COL21A1: variants seen among roughly 807,000 people sequenced by gnomAD.
COL21A1 encodes the protein collagen alpha-1(XXI) chain.
Under a neutral mutation model 137.9 loss-of-function variants are expected in COL21A1, and 149 were observed. The ratio of observed to expected loss-of-function variants is 1.08; its 90% CI spans 0.95 to 1.24. The LOEUF is 1.24. COL21A1 is among the 50% of genes most tolerant of loss of function. COL21A1 has a pLI of 0.00. For missense variants in COL21A1, 1,167 were observed against 1,158.4 expected (o/e 1.01, Z -0.11); for synonymous variants, 456 against 391.5 (o/e 1.16, Z -1.95).
chr6:56,280,152 TG>T (rs1422921147), intron 1 of COL21A1, among the ~76,000 whole-genome samples: 2 of 152,212 alleles, frequency 1.3e-5, no homozygotes, highest in Non-Finnish European at 2.9e-5. Context: ...GAATATTTAT[TG>T]TGTTCAGTTC....
intron 1 of COL21A1, among the ~76,000 whole-genome samples, chr6:56,289,880 C>T (rs1303874205): frequency 6.6e-6 from 1 of 152,018 alleles, no homozygotes; most frequent in Non-Finnish European, 1.5e-5. Context: ...CAACCAGTTG[C>T]GGTTTTGGTT....
chr6:56,164,173 C>A (rs1011135040), intron 9 of COL21A1, among the ~76,000 whole-genome samples: 6 of 152,158 alleles, frequency 3.9e-5, no homozygotes, highest in African/African-American at 1.2e-4. Flanking sequence ...GGGAAAAAAA[C>A]AACCAAACAA....
chr6:56,210,312 T>C (rs1204584758), intron 1 of COL21A1, among the ~76,000 whole-genome samples: 1 of 151,960 alleles, frequency 6.6e-6, no homozygotes, highest in African/African-American at 2.4e-5. Flanking sequence ...CAATGACAAA[T>C]ATAAGAAAAC....
intron 16 of COL21A1, among the ~76,000 whole-genome samples, chr6:56,123,015 A>C (rs369147910): frequency 6.6e-6 from 1 of 152,204 alleles, no homozygotes; most frequent in South Asian, 2.1e-4. Flanking sequence ...GGGTATATGG[A>C]TTTATGCTAA....
chr6:56,325,003 C>T (rs1764972014), intron 1 of COL21A1, among the ~76,000 whole-genome samples: 1 of 151,146 alleles, frequency 6.6e-6, no homozygotes, highest in Non-Finnish European at 1.5e-5. Context: ...TGCCAAGTTT[C>T]TCCTAGTTTA....
chr6:56,390,198 G>A (rs962121575), intron 1 of COL21A1, among the ~76,000 whole-genome samples: 1 of 140,226 alleles, frequency 7.1e-6, no homozygotes, highest in African/African-American at 2.6e-5. Flanking sequence ...AAAGTGCAGA[G>A]TTTTTTTAGT....
chr6:56,156,738 G>A (rs777324303), intron 10 of COL21A1, 149 bp downstream of exon 10: 72 of 674,594 alleles, frequency 1.1e-4, no homozygotes, highest in South Asian at 6.4e-4. Flanking sequence ...AGCTCCTTTC[G>A]TTCCAACAGA....
intron 19 of COL21A1, 74 bp downstream of exon 19, chr6:56,075,405 C>T (rs1198759813): frequency 1.7e-5 from 20 of 1,173,208 alleles, no homozygotes; most frequent in East Asian, 8.2e-5. Context: ...TATGAACTCT[C>T]GAATATGAAC....
chr6:56,351,354 G>A lies in COL21A1; in HGVS notation c.-39+42617C>T, dbSNP rs188922625. 2.2e-3 allele frequency among the ~76,000 whole-genome samples: 342 copies of A among 152,332 alleles called. 1 individual carries two copies. Among genetic ancestry groups the A allele is most frequent in the African/African-American group, 7.7e-3 (320 of 41,584 alleles). Reference sequence around the variant, plus strand: ...AAGAGTACGGGGAGGGGGAATTTCCGTTGTTTCCTTTCTCTTGTCTCTCCC... The same window carrying A: ...AAGAGTACGGGGAGGGGGAATTTCCATTGTTTCCTTTCTCTTGTCTCTCCC... On this transcript the variant is annotated intron_variant, in intron 1 of 28. Coordinates refer to the COL21A1 transcript ENST00000370819.
intron 1 of COL21A1, among the ~76,000 whole-genome samples, chr6:56,273,499 AGAG>A (rs1383689087): frequency 6.6e-6 from 1 of 152,230 alleles, no homozygotes; most frequent in Non-Finnish European, 1.5e-5. Flanking sequence ...CAAAGAAAAC[AGAG>A]AAGATCCAAA....
At chr6:56,303,595 T>G (rs1400643411) in intron 1 of COL21A1, among the ~76,000 whole-genome samples, 3 of 152,234 alleles carry the variant, frequency 2.0e-5, no homozygotes, top group Non-Finnish European at 4.4e-5. Context: ...TCCTGAGACT[T>G]TGCTGAAGTT....
chr6:56,163,616 G>A (rs1227360168), intron 9 of COL21A1, among the ~76,000 whole-genome samples: 2 of 151,916 alleles, frequency 1.3e-5, no homozygotes, highest in African/African-American at 4.8e-5. Flanking sequence ...GGCTGAGGCA[G>A]GGAAATCGCT....
In COL21A1 at chr6:56,171,086, T is replaced by G. The variant is rs1484744905; in HGVS notation, c.683A>C (p.Glu228Ala). ...PTRIPVAARD[E>A]RGFDILLGLD... ...ACCTAAAAGAATATCAAATCCCCTT[T>G]CATCACGAGCTGCCACTGGAATTCG... The change falls in exon 4 of 30, where the codon GAA becomes GCA. Residue 228 changes from glutamate (E) to alanine (A), a missense_variant. Coordinates refer to ENST00000244728, the MANE Select transcript of COL21A1 (RefSeq NM_030820.4). 3.1e-6 allele frequency: 5 copies of G among 1,608,114 alleles called. No homozygotes were observed. The African/African-American group carries it at 6.7e-5, about 22-fold the overall frequency.
intron 17 of COL21A1, among the ~76,000 whole-genome samples, chr6:56,099,193 C>A (rs1012000192): frequency 1.3e-5 from 2 of 149,720 alleles, no homozygotes; most frequent in African/African-American, 4.9e-5. Context: ...ATAACTAACT[C>A]ACAAACATTT....
At chr6:56,133,064 AG>A (rs1561901397) in intron 12 of COL21A1, among the ~76,000 whole-genome samples, 1 of 152,220 alleles carries the variant, frequency 6.6e-6, no homozygotes, top group African/African-American at 2.4e-5. Flanking sequence ...GCTGCTGAAA[AG>A]ATAACCAAAA....
At chr6:56,301,472 C>A (rs1199082804) in intron 1 of COL21A1, among the ~76,000 whole-genome samples, 1 of 152,148 alleles carries the variant, frequency 6.6e-6, no homozygotes, top group Non-Finnish European at 1.5e-5. Context: ...AGACTCTGAC[C>A]TACAGAAGAT....
chr6:56,072,312 A>T (rs1319107423), intron 20 of COL21A1, among the ~76,000 whole-genome samples: 1 of 151,526 alleles, frequency 6.6e-6, no homozygotes, highest in Admixed American at 6.6e-5. Flanking sequence ...ATTCCTTTGG[A>T]TACATACCGA....
chr6:56,096,844 A>T (rs866125038), intron 17 of COL21A1, among the ~76,000 whole-genome samples: 3 of 152,192 alleles, frequency 2.0e-5, no homozygotes, highest in African/African-American at 7.2e-5. Context: ...GAGCCAAGTC[A>T]TTTATTACAA....
chr6:56,390,057 T>C (rs1057239497), intron 1 of COL21A1, among the ~76,000 whole-genome samples: 1 of 152,172 alleles, frequency 6.6e-6, no homozygotes, highest in African/African-American at 2.4e-5. Context: ...AATTAGTGTG[T>C]AAACCACTCA....
Sources: gnomAD v4.1 joint callset for allele counts (sites outside exome capture counted in the v4.1 genomes callset) on GRCh38, gnomAD v4.1.1 for gene constraint, MANE v1.5 for transcripts, NCBI Gene and HGNC (gene_info 2026-07-23, HGNC 2026-07-21) for gene names.